GCNT1: variants seen among roughly 807,000 people sequenced by gnomAD.
GCNT1 encodes the protein beta-1,3-galactosyl-O-glycosyl-glycoprotein beta-1,6-N-acetylglucosaminyltransferase.
In GCNT1, 16 loss-of-function variants were observed where a neutral mutation model predicts 26.2. That is an observed-to-expected ratio of 0.61 (90% CI 0.41 to 0.93). The LOEUF (loss-of-function observed/expected upper bound fraction) is 0.93. Ranked by LOEUF, GCNT1 falls within the 40% of genes least tolerant of loss-of-function variation. GCNT1 has a pLI of 0.00. For missense variants in GCNT1, 477 were observed against 526.7 expected (o/e 0.91, Z 0.92); for synonymous variants, 183 against 190.8 (o/e 0.96, Z 0.34).
Position 76,506,122 on chromosome 9 carries a change from A to C in GCNT1, c.*2454A>C, listed in dbSNP as rs1185593367. 6.0e-6 allele frequency: 1 copy of C among 167,082 alleles called. No homozygotes were observed. Among genetic ancestry groups the C allele is most frequent in the Non-Finnish European group, 1.5e-5 (1 of 68,122 alleles). The allele number at this position is 167,082 out of a possible 1,614,324, so 10.3% of individuals were successfully genotyped here. A position where few individuals can be genotyped will look rare whatever the true frequency, so the allele number is the denominator to read the frequency against. On this transcript the variant is annotated 3_prime_UTR_variant, in exon 4 of 4. Transcript: ENST00000376730. ...TTTAAAGAATCAAAACGATGGTTTGAAAAGGAAACCTATGATACATGCAGG... is the reference window on the plus strand; with the variant it reads ...TTTAAAGAATCAAAACGATGGTTTGCAAAGGAAACCTATGATACATGCAGG...
chr9:76,400,235 G>C, the GCNT1 span, among the ~76,000 whole-genome samples: 1 of 152,206 alleles, frequency 6.6e-6, no homozygotes, highest in Non-Finnish European at 1.5e-5. Flanking sequence ...GCTCTAAAAA[G>C]TAGAGTCTAT....
intron 1 of GCNT1, among the ~76,000 whole-genome samples, chr9:76,452,545 A>G (rs1301765579): frequency 1.3e-5 from 2 of 152,120 alleles, no homozygotes; most frequent in South Asian, 4.1e-4. Context: ...GAAACTTACA[A>G]TCATGATGCA....
chr9:76,476,439 G>A (rs59992410), intron 2 of GCNT1, among the ~76,000 whole-genome samples: 1 of 150,054 alleles, frequency 6.7e-6, no homozygotes, highest in Admixed American at 6.6e-5. Flanking sequence ...AAAAAAAAAA[G>A]AGAAAAAGAA....
At chr9:76,478,422 G>A (rs563472654) in intron 2 of GCNT1, among the ~76,000 whole-genome samples, 3 of 152,196 alleles carry the variant, frequency 2.0e-5, no homozygotes, top group Admixed American at 6.5e-5. Context: ...ACGAACCCAC[G>A]GGAAGGAAGA....
At chr9:76,447,427 G>A (rs1039746807) in intron 1 of GCNT1, among the ~76,000 whole-genome samples, 23 of 151,718 alleles carry the variant, frequency 1.5e-4, no homozygotes, top group Admixed American at 9.2e-4. Context: ...TTATTTTTTT[G>A]TAGAGAGAGG....
chr9:76,465,290 A>T (rs1221882986), intron 2 of GCNT1, among the ~76,000 whole-genome samples: 1 of 151,780 alleles, frequency 6.6e-6, no homozygotes, highest in African/African-American at 2.4e-5. Flanking sequence ...CACCCAGATA[A>T]TTTTTGTATT....
At chr9:76,494,734 C>CT (rs1342937091) in intron 2 of GCNT1, among the ~76,000 whole-genome samples, 1 of 152,146 alleles carries the variant, frequency 6.6e-6, no homozygotes, top group African/African-American at 2.4e-5. Flanking sequence ...AGAAGTTTGT[C>CT]TGACAGGCTT....
At chr9:76,417,338 G>C (rs1337735135), upstream of GCNT1, among the ~76,000 whole-genome samples, 1 of 152,158 alleles carries the variant, frequency 6.6e-6, no homozygotes, top group Non-Finnish European at 1.5e-5. Flanking sequence ...ACCTGAGTAT[G>C]TATCACAATG....
At chr9:76,442,189 G>A (rs561303091) in exon 1 of GCNT1, 34 of 152,206 alleles carry the variant, frequency 2.2e-4, no homozygotes, top group African/African-American at 8.0e-4. Flanking sequence ...AATGAGAGAG[G>A]CTTCGAGAAG....
the GCNT1 span, chr9:76,399,697 C>T: frequency 1.5e-6 from 1 of 646,448 alleles, no homozygotes; most frequent in Non-Finnish European, 2.7e-6. Flanking sequence ...TCCATTTTTA[C>T]CCCTACTCCC....
chr9:76,404,188 T>A, the GCNT1 span, among the ~76,000 whole-genome samples: 2 of 152,232 alleles, frequency 1.3e-5, no homozygotes, highest in African/African-American at 4.8e-5. Flanking sequence ...AGTAATTACA[T>A]ATAAAATTAT....
chr9:76,431,961 T>C (rs1171707987), intron 1 of GCNT1, among the ~76,000 whole-genome samples: 2 of 152,014 alleles, frequency 1.3e-5, no homozygotes, highest in Admixed American at 1.3e-4. Flanking sequence ...ATGCAAAAAT[T>C]AGCCGGGTGT....
chr9:76,401,006 G>C, the GCNT1 span, among the ~76,000 whole-genome samples: 1 of 152,196 alleles, frequency 6.6e-6, no homozygotes, highest in Non-Finnish European at 1.5e-5. Flanking sequence ...TAAAGCATTT[G>C]AAAGATTTAA....
chr9:76,449,624 C>T (rs1371885262), intron 1 of GCNT1, among the ~76,000 whole-genome samples: 3 of 152,146 alleles, frequency 2.0e-5, no homozygotes, highest in Admixed American at 6.6e-5. Flanking sequence ...ACCAGAGAAG[C>T]GCAGCCTCTC....
chr9:76,463,343 G>A (rs983110878), intron 2 of GCNT1, among the ~76,000 whole-genome samples: 37 of 152,178 alleles, frequency 2.4e-4, no homozygotes, highest in African/African-American at 6.8e-4. Flanking sequence ...GTGTGACTGC[G>A]TTGGTTGCCC....
chr9:76,503,149 G>A lies in GCNT1; in HGVS notation c.768G>A (p.Lys256=). The A allele has an allele frequency of 6.2e-7, 1 of 1,614,204 alleles. No individual in the cohort carries two copies. The highest frequency in any genetic ancestry group is 8.5e-7 in the Non-Finnish European group (1 of 1,180,028). The change falls in exon 4 of 4, where the codon AAG becomes AAA. Residue 256 remains lysine, a synonymous_variant. Transcript: ENST00000376730. ...RMPSHKEERW[K]KRYEVVNGKL... ...CATCCCATAAAGAAGAAAGGTGGAA[G>A]AAGCGGTATGAGGTCGTTAATGGAA... is the stretch of plus-strand genomic sequence containing the variant.
At chr9:76,399,485 C>T in the GCNT1 span, 2 of 1,587,514 alleles carry the variant, frequency 1.3e-6, no homozygotes, top group East Asian at 4.5e-5. Context: ...TCAGCAGTTC[C>T]CTACTGAAGA....
intron 2 of GCNT1, among the ~76,000 whole-genome samples, chr9:76,478,035 G>A (rs183826532): frequency 2.6e-5 from 4 of 152,242 alleles, no homozygotes; most frequent in East Asian, 3.9e-4. Context: ...ACCAATCAGC[G>A]CTTTGTAAAA....
intron 2 of GCNT1, among the ~76,000 whole-genome samples, chr9:76,489,828 GAA>G (rs1007302943): frequency 6.6e-6 from 1 of 152,154 alleles, no homozygotes; most frequent in African/African-American, 2.4e-5. Flanking sequence ...TAAGAGCTAA[GAA>G]GAGGCCCTGC....
Sources: allele counts gnomAD v4.1 joint callset (sites outside exome capture counted in the v4.1 genomes callset), GRCh38; gene constraint gnomAD v4.1.1; transcripts MANE v1.5; gene names NCBI Gene and HGNC (gene_info 2026-07-23, HGNC 2026-07-21).